The following PIEZO2 variants were observed in gnomAD, a reference collection of about 807,000 sequenced individuals.
PIEZO2 encodes piezo type mechanosensitive ion channel component 2, also known as piezo-type mechanosensitive ion channel component 2.
A neutral mutation model predicts 337.3 loss-of-function variants in PIEZO2; 172 were observed. That is an observed-to-expected ratio of 0.51 (90% CI 0.45 to 0.58). The LOEUF is 0.58. Among genes scored for constraint, PIEZO2 ranks in the 20% least tolerant of loss-of-function variants. The probability of loss-of-function intolerance (pLI) is 0.00; values close to 1 mark genes in which losing one functional copy is unlikely to be tolerated. For synonymous variants in PIEZO2, 1,251 were observed against 1,228.5 expected (o/e 1.02, Z -0.38); for missense variants, 3,028 against 3,391.3 (o/e 0.89, Z 2.66).
chr18:11,064,431 A>C (rs1346024528), intron 2 of PIEZO2, among the ~76,000 whole-genome samples: 1 of 152,244 alleles, frequency 6.6e-6, no homozygotes, highest in Non-Finnish European at 1.5e-5. Flanking sequence ...AGCAGAAGCC[A>C]GTGCACCTGT....
Position 10,847,620 on chromosome 18 carries a change from G to A in PIEZO2, c.917+7733C>T, listed in dbSNP as rs1199884584. On this transcript the variant is annotated intron_variant, in intron 7 of 55. Coordinates refer to ENST00000674853, the MANE Select transcript of PIEZO2 (RefSeq NM_001378183.1). This position sits in a 1 kb window ranked among gnomAD's most constrained non-coding sequence, Gnocchi z 5.7. Reference sequence around the variant, plus strand: ...CACGTAGGCCCCCAAACGATACCAAGGTCCAGATGAACTCAGAGTTCAAGT... The same window carrying A: ...CACGTAGGCCCCCAAACGATACCAAAGTCCAGATGAACTCAGAGTTCAAGT... 6.6e-6 allele frequency among the ~76,000 whole-genome samples: 1 copy of A among 152,150 alleles called. No homozygotes were observed.
At chr18:11,091,634 C>G (rs942526983) in intron 1 of PIEZO2, among the ~76,000 whole-genome samples, 4 of 152,170 alleles carry the variant, frequency 2.6e-5, no homozygotes, top group Non-Finnish European at 4.4e-5. Flanking sequence ...AGAAGGCTAA[C>G]TATTTCATGG....
At chr18:11,026,745 C>A (rs79733210) in intron 2 of PIEZO2, among the ~76,000 whole-genome samples, 2,526 of 152,312 alleles carry the variant, frequency 0.017, 42 homozygotes, top group African/African-American at 0.043. Flanking sequence ...TCCCTCAGCA[C>A]CCTCTTCAAA....
At chr18:10,772,371 G>A (rs1044398627) in intron 20 of PIEZO2, among the ~76,000 whole-genome samples, 2 of 152,150 alleles carry the variant, frequency 1.3e-5, no homozygotes, top group Admixed American at 1.3e-4. Flanking sequence ...ATTTTGGGCA[G>A]GACCTATTAG....
At chr18:11,041,487 C>G (rs1322527346) in intron 2 of PIEZO2, among the ~76,000 whole-genome samples, 1 of 152,164 alleles carries the variant, frequency 6.6e-6, no homozygotes, top group Non-Finnish European at 1.5e-5. Context: ...AGAATCCATC[C>G]TGTACTCCAC....
chr18:10,814,143 ATT>A (rs765895848), intron 7 of PIEZO2, among the ~76,000 whole-genome samples: 71 of 151,460 alleles, frequency 4.7e-4, no homozygotes, highest in East Asian at 2.3e-3. Flanking sequence ...AATTTTTTGT[ATT>A]TTTTTAGTAG....
intron 3 of PIEZO2, among the ~76,000 whole-genome samples, chr18:10,937,796 C>T (rs1193544207): frequency 6.6e-6 from 1 of 152,166 alleles, no homozygotes; most frequent in Non-Finnish European, 1.5e-5. Flanking sequence ...AGCTTCTTCC[C>T]TGACATTTTG....
intron 7 of PIEZO2, among the ~76,000 whole-genome samples, chr18:10,822,426 T>G (rs1720006373): frequency 2.0e-5 from 3 of 152,138 alleles, no homozygotes. Context: ...TTTTCCAGGG[T>G]GGTGATGGCT....
chr18:10,935,173 T>C (rs886554621), intron 3 of PIEZO2, among the ~76,000 whole-genome samples: 1 of 152,222 alleles, frequency 6.6e-6, no homozygotes, highest in Non-Finnish European at 1.5e-5. Flanking sequence ...GAGAATATCA[T>C]GGTAGAATTC....
At chr18:11,063,071 T>C (rs12327221) in intron 2 of PIEZO2, among the ~76,000 whole-genome samples, 4,767 of 152,192 alleles carry the variant, frequency 0.031, 230 homozygotes, top group African/African-American at 0.11. Context: ...CATGGAATAC[T>C]ATGCAGTATT....
rs2041624227 is a variant in PIEZO2, at chr18:10,853,836, T to C, written c.917+1517A>G. On this transcript the variant is annotated intron_variant, in intron 7 of 55. Transcript: ENST00000674853. The surrounding 1 kb of genome is among the most constrained non-coding windows in gnomAD (Gnocchi z 4.2). ...ATCTCCTAAAATAATGGCATTTTTC[T>C]GTCTACCCACAAAACCATCATACAC... 6.6e-6 allele frequency among the ~76,000 whole-genome samples: 1 copy of C among 152,254 alleles called. No homozygotes were observed. Among genetic ancestry groups the C allele is most frequent in the African/African-American group, 2.4e-5 (1 of 41,460 alleles).
In PIEZO2 at chr18:10,946,655, G is replaced by C. The variant is rs756054773; in HGVS notation, c.286+32880C>G. ...CAGTGTGAGTGAGCTCCACTCCGCT[G>C]GGCTGGTGCTGCCAGGGCTTAGTGG... On this transcript the variant is annotated intron_variant, in intron 3 of 55. Transcript: ENST00000674853. Among the ~76,000 whole-genome samples, 54 of 152,200 alleles carry C rather than the reference G, an allele frequency of 3.5e-4. 1 individual carries two copies. The highest frequency in any genetic ancestry group is 1.6e-4 in the Non-Finnish European group (11 of 68,040).
rs1045633743 is a variant in PIEZO2, at chr18:11,117,341, C to T, written c.64+31184G>A. Among the ~76,000 whole-genome samples the T allele has an allele frequency of 2.0e-5, 3 of 152,244 alleles. No individual in the cohort carries two copies. The South Asian group carries it at 6.2e-4, about 32-fold the overall frequency. ...ATTCTAGTATACAGATTTCACAATT[C>T]GATTTGTAAATAACCAGCACCAGGG... is the stretch of plus-strand genomic sequence containing the variant. On this transcript the variant is annotated intron_variant, in intron 1 of 55. Transcript: ENST00000674853.
At chr18:10,698,564 T>TA (rs1160763849) in intron 44 of PIEZO2, among the ~76,000 whole-genome samples, 1 of 152,222 alleles carries the variant, frequency 6.6e-6, no homozygotes, top group Non-Finnish European at 1.5e-5. Flanking sequence ...TAAATATGTT[T>TA]AAAAAATACA....
chr18:10,699,924 A>G (rs2035263209), intron 43 of PIEZO2, among the ~76,000 whole-genome samples: 1 of 152,214 alleles, frequency 6.6e-6, no homozygotes, highest in South Asian at 2.1e-4. Flanking sequence ...GGAGGACAAG[A>G]GCTCCAGGCC....
chr18:11,016,695 T>C lies in PIEZO2; in HGVS notation c.161-37035A>G, dbSNP rs2036126774. On this transcript the variant is annotated intron_variant, in intron 2 of 55. Transcript: ENST00000674853. The surrounding 1 kb of genome is among the most constrained non-coding windows in gnomAD (Gnocchi z 5.6). ...GGTACATGGTGTTGAAGAAATCATG[T>C]TTCATGATGAAAAACTCCATCAAAT... Among the ~76,000 whole-genome samples, 1 of 152,184 alleles carries C rather than the reference T, an allele frequency of 6.6e-6. No homozygotes were observed. Among genetic ancestry groups the C allele is most frequent in the African/African-American group, 2.4e-5 (1 of 41,434 alleles).
rs1260076688 is a variant in PIEZO2 at position 11,027,951 on chromosome 18, C to T, written c.160+38176G>A. On this transcript the variant is annotated intron_variant, in intron 2 of 55. Coordinates refer to ENST00000674853, the MANE Select transcript of PIEZO2 (RefSeq NM_001378183.1). This position sits in a 1 kb window ranked among gnomAD's most constrained non-coding sequence, Gnocchi z 4.2. ...GTAGAGTACTCTTTGATAAATTCTT[C>T]AAACACTGTTTCTGAGAATGATCTC... Among the ~76,000 whole-genome samples, 1 of 152,238 alleles carries T rather than the reference C, an allele frequency of 6.6e-6. No homozygotes were observed. The highest frequency in any genetic ancestry group is 1.5e-5 in the Non-Finnish European group (1 of 68,044).
intron 1 of PIEZO2, among the ~76,000 whole-genome samples, chr18:11,106,111 G>T (rs187505183): frequency 6.6e-6 from 1 of 151,664 alleles, no homozygotes; most frequent in Non-Finnish European, 1.5e-5. Context: ...TTTTTGAGAC[G>T]GCATCTGGCT....
At chr18:10,901,987 C>T (rs1428538005) in intron 4 of PIEZO2, among the ~76,000 whole-genome samples, 4 of 152,012 alleles carry the variant, frequency 2.6e-5, no homozygotes, top group African/African-American at 9.7e-5. Flanking sequence ...GGTACTGGTC[C>T]TCGTCCATAG....
Sources: gnomAD v4.1 joint callset for allele counts (sites outside exome capture counted in the v4.1 genomes callset) on GRCh38, gnomAD v4.1.1 for gene constraint, Gnocchi (gnomAD v3.1) non-coding constraint, MANE v1.5 for transcripts, NCBI Gene and HGNC (gene_info 2026-07-23, HGNC 2026-07-21) for gene names.